The following USP24 variants were observed in gnomAD, a reference collection of about 807,000 sequenced individuals.
USP24 encodes the protein ubiquitin carboxyl-terminal hydrolase 24.
In USP24, 97 loss-of-function variants were observed where a neutral mutation model predicts 361.6. The observed-to-expected ratio is 0.27, with a 90% CI of 0.23 to 0.32. The LOEUF is 0.32. Ranked by LOEUF, USP24 falls within the 10% of genes least tolerant of loss-of-function variation. The probability of loss-of-function intolerance (pLI) is 1.00; values close to 1 mark genes in which losing one functional copy is unlikely to be tolerated. For synonymous variants in USP24, 1,098 were observed against 1,124.6 expected (o/e 0.98, Z 0.47); for missense variants, 2,353 against 3,165.6 (o/e 0.74, Z 6.16).
chr1:55,214,891 C>T lies in USP24; in HGVS notation c.223G>A (p.Gly75Arg). 1 of 1,256,150 alleles carries T rather than the reference C, an allele frequency of 8.0e-7. No individual in the cohort carries two copies. Among genetic ancestry groups the T allele is most frequent in the Non-Finnish European group, 1.0e-6 (1 of 994,222 alleles). 77.8% of individuals were successfully genotyped at this position (1,256,150 alleles called of 1,614,324 possible). Residue 75 changes from glycine to arginine, a missense_variant, in exon 1 of 68, where the codon GGA becomes AGA. Gly to Arg is a moderately radical substitution (Grantham distance 125). Transcript: ENST00000294383. ...GPGGGPRGDG[G>R]GDGGGGGPSR... ...GGGCCGCCGCCGCCGCCGTCACCTC[C>T]GCCGTCGCCCCGCGGGCCCCCGCCG...
intron 20 of USP24, 37 bp downstream of exon 20, chr1:55,145,961 A>C: frequency 7.1e-7 from 1 of 1,412,460 alleles, no homozygotes. Context: ...TTCTTACTTA[A>C]AAGTACTGAA....
At chr1:55,129,373 C>T in intron 32 of USP24, 104 bp downstream of exon 32, 1 of 785,248 alleles carries the variant, frequency 1.3e-6, no homozygotes, top group Non-Finnish European at 2.1e-6. Context: ...CACAATGAGT[C>T]ATATGATACC....
chr1:55,115,301 G>A (rs974070898), intron 38 of USP24, among the ~76,000 whole-genome samples: 20 of 151,756 alleles, frequency 1.3e-4, no homozygotes, highest in Admixed American at 6.6e-4. Context: ...GGCGAATCAC[G>A]AGGTCTAAAA....
rs1646378081 is a variant in USP24 at position 55,124,727 on chromosome 1, T to C, written c.3961-99A>G. On this transcript the variant is annotated intron_variant, in intron 34 of 67. Coordinates refer to ENST00000294383, the MANE Select transcript of USP24 (RefSeq NM_015306.3). ...AGGTCTCAGTTTCATACGCCTCCTT[T>C]CCCTCCAAGGTCATCCAGAAAGATG... 3.0e-6 allele frequency: 4 copies of C among 1,332,054 alleles called. No individual in the cohort carries two copies. In the Admixed American group the frequency reaches 8.1e-5, roughly 27 times the overall value. 82.5% of individuals were successfully genotyped at this position (1,332,054 alleles called of 1,614,324 possible).
intron 59 of USP24, 143 bp from the exon 60 acceptor site, chr1:55,079,802 ACACAC>A: frequency 1.4e-5 from 11 of 807,298 alleles, no homozygotes; most frequent in East Asian, 3.0e-5. Flanking sequence ...CTGAGTACTC[ACACAC>A]TGAGTACTCG....
chr1:55,186,397 T>C (rs1247421678), intron 1 of USP24, among the ~76,000 whole-genome samples: 1 of 152,226 alleles, frequency 6.6e-6, no homozygotes, highest in Admixed American at 6.5e-5. Context: ...GGAACTACCA[T>C]GTGATTGAGC....
chr1:55,133,141 G>A (rs913815722), intron 30 of USP24, among the ~76,000 whole-genome samples: 3 of 152,064 alleles, frequency 2.0e-5, no homozygotes, highest in Non-Finnish European at 4.4e-5. Flanking sequence ...ACATGACTGA[G>A]CTGATCTAAA....
At chr1:55,097,541 A>G (rs1369526932) in intron 48 of USP24, 57 bp downstream of exon 48, 14 of 1,515,822 alleles carry the variant, frequency 9.2e-6, no homozygotes, top group Non-Finnish European at 1.2e-5. Context: ...AGGAAAAAAA[A>G]AGAAGTGAGT....
At chr1:55,177,122 A>C (rs1650068193) in intron 2 of USP24, among the ~76,000 whole-genome samples, 1 of 151,922 alleles carries the variant, frequency 6.6e-6, no homozygotes, top group Non-Finnish European at 1.5e-5. Context: ...AAAAACAAAA[A>C]CAAAAACCAA....
At chr1:55,183,840 TG>T (rs750918203) in intron 1 of USP24, among the ~76,000 whole-genome samples, 58 of 152,146 alleles carry the variant, frequency 3.8e-4, no homozygotes, top group Non-Finnish European at 6.9e-4. Context: ...GGAGCTGGAA[TG>T]GCTATATTAG....
intron 20 of USP24, among the ~76,000 whole-genome samples, chr1:55,144,805 G>A (rs1484480333): frequency 6.6e-6 from 1 of 152,060 alleles, no homozygotes. Context: ...ATGGTGGCAT[G>A]CGCCTATAAT....
chr1:55,090,339 G>A (rs1222373045), intron 54 of USP24, among the ~76,000 whole-genome samples: 1 of 152,160 alleles, frequency 6.6e-6, no homozygotes, highest in Non-Finnish European at 1.5e-5. Context: ...AAGAGCATGA[G>A]CAAATTTCAC....
intron 24 of USP24, 144 bp downstream of exon 24, chr1:55,141,472 T>C (rs1269899838): frequency 1.4e-6 from 1 of 734,640 alleles, no homozygotes. Flanking sequence ...ATGGGGAACA[T>C]GTAATTCTCA....
chr1:55,178,699 AT>A (rs1650251897), intron 1 of USP24, among the ~76,000 whole-genome samples: 2 of 123,786 alleles, frequency 1.6e-5, no homozygotes, highest in South Asian at 4.5e-4. Context: ...AAATAAATAA[AT>A]AAATAAATAA....
chr1:55,199,395 T>G (rs1417216319), intron 1 of USP24, among the ~76,000 whole-genome samples: 1 of 152,184 alleles, frequency 6.6e-6, no homozygotes, highest in Non-Finnish European at 1.5e-5. Flanking sequence ...ATAGAGGATA[T>G]TGCAGTATAA....
In USP24 at chr1:55,071,833, C is replaced by T; in HGVS notation, c.7781G>A (p.Gly2594Glu). Residue 2594 changes from glycine (G) to glutamate (E), a missense_variant, in exon 67 of 68, where the codon GGA (glycine) becomes GAA (glutamate). This residue lies in a region of USP24 where 53 missense variants were observed against 57.7 expected (regional missense o/e 0.92). Transcript: ENST00000294383. ...TTATACCTGCTGTAGATGCCTGTCT[C>T]CGTTCTCATTGGCAGGACTACTCTC... The part of the protein sequence containing the change: ...GSESSPANEN[G>E]DRHLQQGSES... 6.2e-7 allele frequency: 1 copy of T among 1,613,122 alleles called. No homozygotes were observed. The highest frequency in any genetic ancestry group is 8.5e-7 in the Non-Finnish European group (1 of 1,179,618).
chr1:55,136,132 G>A (rs530410653), intron 28 of USP24, among the ~76,000 whole-genome samples: 1 of 152,246 alleles, frequency 6.6e-6, no homozygotes, highest in East Asian at 1.9e-4. Context: ...ACAGGGGTAG[G>A]AAAGAGGCTG....
intron 1 of USP24, among the ~76,000 whole-genome samples, chr1:55,208,800 G>C (rs1644776035): frequency 6.6e-6 from 1 of 151,362 alleles, no homozygotes; most frequent in African/African-American, 2.4e-5. Flanking sequence ...GCAGAGCGTG[G>C]TGGCAGGCGC....
intron 15 of USP24, 68 bp from the exon 16 acceptor site, chr1:55,153,985 G>T: frequency 1.3e-6 from 2 of 1,543,706 alleles, no homozygotes; most frequent in Non-Finnish European, 8.8e-7. Flanking sequence ...TCCCGATCTT[G>T]GACTTTAAGG....
Sources: allele counts gnomAD v4.1 joint callset (sites outside exome capture counted in the v4.1 genomes callset), GRCh38; gene constraint gnomAD v4.1.1; regional missense constraint gnomAD v4.1.1; transcripts MANE v1.5; gene names NCBI Gene and HGNC (gene_info 2026-07-23, HGNC 2026-07-21).